The following ERO1A variants were observed in gnomAD, a reference collection of about 807,000 sequenced individuals.
The protein encoded by ERO1A is endoplasmic reticulum oxidoreductase 1 alpha, also known as ERO1-like protein alpha.
A neutral mutation model predicts 76.9 loss-of-function variants in ERO1A; 49 were observed. The ratio of observed to expected loss-of-function variants is 0.64; its 90% CI spans 0.51 to 0.81. The LOEUF (loss-of-function observed/expected upper bound fraction) is 0.81, where lower values mean the gene tolerates loss of function less well. Among genes scored for constraint, ERO1A ranks in the 30% least tolerant of loss-of-function variants. The probability of loss-of-function intolerance (pLI) is 0.00; values close to 1 mark genes in which losing one functional copy is unlikely to be tolerated. For missense variants in ERO1A, 448 were observed against 542.1 expected, an observed-to-expected ratio of 0.83 and a Z score of 1.72; for synonymous variants, 174 against 181.2, an observed-to-expected ratio of 0.96 and a Z score of 0.32.
At chr14:52,653,378 TAG>T in intron 11 of ERO1A, 63 bp from the exon 12 acceptor site, 1 of 1,349,260 alleles carries the variant, frequency 7.4e-7, no homozygotes, top group South Asian at 1.5e-5. Flanking sequence ...TTAATTATAT[TAG>T]GTTATTCATG....
chr14:52,643,908 C>T (rs1396322326), intron 15 of ERO1A, among the ~76,000 whole-genome samples: 6 of 151,910 alleles, frequency 3.9e-5, no homozygotes, highest in South Asian at 4.1e-4. Flanking sequence ...GAGGCCAAGA[C>T]GGGAGAACTA....
At chr14:52,680,268 A>G (rs2040949856) in intron 3 of ERO1A, among the ~76,000 whole-genome samples, 1 of 152,166 alleles carries the variant, frequency 6.6e-6, no homozygotes, top group Admixed American at 6.5e-5. Context: ...ATATATATTT[A>G]ACATTTCTCA....
At chr14:52,667,459 C>A (rs887405195) in intron 6 of ERO1A, among the ~76,000 whole-genome samples, 1 of 152,164 alleles carries the variant, frequency 6.6e-6, no homozygotes, top group African/African-American at 2.4e-5. Flanking sequence ...ATGGTTCATG[C>A]CTGTAATCCC....
At chr14:52,693,063 T>C (rs1040880956) in intron 1 of ERO1A, among the ~76,000 whole-genome samples, 3 of 139,352 alleles carry the variant, frequency 2.2e-5, no homozygotes, top group African/African-American at 7.9e-5. Flanking sequence ...AAGTAGACCA[T>C]TCTAAATTTC....
At position 52,671,684 on chromosome 14, in the gene ERO1A, C is replaced by G. The variant is rs745946785; in HGVS notation, c.454G>C (p.Val152Leu). The change falls in exon 6 of 16, where the codon GTT (valine) becomes CTT (leucine). Residue 152 changes from valine (V) to leucine (L), a missense_variant. Transcript: ENST00000395686. ...ESLSEETQKA[V>L]LQWTKHDDSS... is the part of the protein sequence containing the mutation. The stretch of plus-strand genomic sequence containing the variant: ...TCATCATGCTTGGTCCACTGAAGAA[C>G]AGCCTTCTGTGTTTCCTCACTTCAA... 6.2e-7 allele frequency: 1 copy of G among 1,606,772 alleles called. No individual in the cohort carries two copies. Among genetic ancestry groups the G allele is most frequent in the African/African-American group, 1.3e-5 (1 of 74,806 alleles).
At chr14:52,680,082 C>CAAAAAAAAAAAAAAAA (rs35358193) in intron 3 of ERO1A, among the ~76,000 whole-genome samples, 29 of 90,868 alleles carry the variant, frequency 3.2e-4, no homozygotes, top group Admixed American at 4.0e-4. Flanking sequence ...AAAACACAAA[C>CAAAAAAAAAAAAAAAA]AAAAAAAAAA....
rs773413061 is a variant in ERO1A at position 52,653,146 on chromosome 14, A to G, written c.978T>C (p.Asp326=). The part of the protein sequence containing the change: ...SKVLPFFERP[D]FQLFTGNKIQ... ...TTTTATTTCCAGTAAAGAGTTGAAA[A>G]TCTGGGCGCTCGAAGAATGGTAACA... The change falls in exon 12 of 16, where the codon GAT becomes GAC. Residue 326 remains aspartate (D), a synonymous_variant. Transcript: ENST00000395686. 1 of 1,612,814 alleles carries G rather than the reference A, an allele frequency of 6.2e-7. No homozygotes were observed. The highest frequency in any genetic ancestry group is 2.2e-5 in the East Asian group (1 of 44,790).
intron 1 of ERO1A, among the ~76,000 whole-genome samples, chr14:52,693,960 G>C (rs1382797165): frequency 2.6e-5 from 4 of 151,970 alleles, no homozygotes. Context: ...AGAAGAAAAA[G>C]AAAATAAATG....
chr14:52,683,042 C>T (rs2041051552), intron 2 of ERO1A, among the ~76,000 whole-genome samples: 1 of 150,432 alleles, frequency 6.6e-6, no homozygotes. Context: ...ACCCCATCTC[C>T]ACTAAAAATA....
chr14:52,688,478 T>A (rs1224918455), intron 1 of ERO1A, among the ~76,000 whole-genome samples: 1 of 152,182 alleles, frequency 6.6e-6, no homozygotes, highest in Non-Finnish European at 1.5e-5. Context: ...TCTCAAAGAG[T>A]TGATACCAAG....
intron 1 of ERO1A, among the ~76,000 whole-genome samples, chr14:52,692,041 G>A: frequency 6.6e-6 from 1 of 152,180 alleles, no homozygotes; most frequent in East Asian, 1.9e-4. Context: ...AGACTCAGTT[G>A]GAGCTATCAA....
chr14:52,661,267 T>C (rs1274232889), intron 9 of ERO1A, 26 bp downstream of exon 9: 3 of 989,952 alleles, frequency 3.0e-6, no homozygotes, highest in South Asian at 2.1e-5. Context: ...AATTCATATA[T>C]GTAATATATA....
chr14:52,664,127 G>A (rs1055327303), intron 7 of ERO1A: 3 of 242,764 alleles, frequency 1.2e-5, no homozygotes, highest in Non-Finnish European at 2.4e-5. Flanking sequence ...TTCTCTCGGA[G>A]TCACTACTAT....
At position 52,682,391 on chromosome 14, in the gene ERO1A, C is replaced by T. The variant is rs368572615; in HGVS notation, c.252G>A (p.Pro84=). ...GGCTGATGTCATTCCAGAAAGGACA[C>T]GGCCTCTTCAGGTTTACCTGTAAAA... ...FRYYKVNLKR[P]CPFWNDISQC... The change falls in exon 3 of 16, where the codon CCG becomes CCA. Residue 84 remains proline, a synonymous_variant. Transcript: ENST00000395686. 50 of 1,609,560 alleles carry T rather than the reference C, an allele frequency of 3.1e-5. No individual in the cohort carries two copies. Among genetic ancestry groups the T allele is most frequent in the South Asian group, 4.4e-5 (4 of 90,038 alleles).
At chr14:52,668,744 T>C (rs1299537155) in intron 6 of ERO1A, among the ~76,000 whole-genome samples, 1 of 148,468 alleles carries the variant, frequency 6.7e-6, no homozygotes, top group Non-Finnish European at 1.5e-5. Context: ...TAAATATTAC[T>C]ATATTATTAT....
intron 3 of ERO1A, among the ~76,000 whole-genome samples, chr14:52,680,231 C>T (rs1206328823): frequency 1.3e-5 from 2 of 152,130 alleles, no homozygotes; most frequent in Admixed American, 6.5e-5. Flanking sequence ...TTTTATAGCA[C>T]TTCAATACAT....
intron 2 of ERO1A, among the ~76,000 whole-genome samples, chr14:52,682,673 C>T (rs762567374): frequency 1.8e-4 from 27 of 151,840 alleles, no homozygotes; most frequent in Non-Finnish European, 3.2e-4. Context: ...CCGAGGGGGG[C>T]GGATCACCTG....
chr14:52,694,850 G>C (rs1255625522), intron 1 of ERO1A, among the ~76,000 whole-genome samples: 1 of 152,172 alleles, frequency 6.6e-6, no homozygotes, highest in East Asian at 1.9e-4. Flanking sequence ...CAGTCCCAAA[G>C]ACATCAGGTA....
chr14:52,695,506 C>G lies in ERO1A; in HGVS notation c.-25G>C. On this transcript the variant is annotated 5_prime_UTR_variant, in exon 1 of 16. Coordinates refer to ENST00000395686, the MANE Select transcript of ERO1A (RefSeq NM_014584.3). ...TTGCAGCTCCGGCAGCTTGTCGCCC[C>G]ACGCTTGGGAGGCCAGTCCGCACGC... The G allele has an allele frequency of 6.8e-7, 1 of 1,462,758 alleles. No individual in the cohort carries two copies. Among genetic ancestry groups the G allele is most frequent in the South Asian group, 1.3e-5 (1 of 75,536 alleles). The allele number at this position is 1,462,758 out of a possible 1,614,324, so 90.6% of individuals were successfully genotyped here. A position where few individuals can be genotyped will look rare whatever the true frequency, so the allele number is the denominator to read the frequency against.
Sources: allele counts gnomAD v4.1 joint callset (sites outside exome capture counted in the v4.1 genomes callset), GRCh38; gene constraint gnomAD v4.1.1; transcripts MANE v1.5; gene names NCBI Gene and HGNC (gene_info 2026-07-23, HGNC 2026-07-21).